Variants in CHCHD3 observed in about 807,000 individuals in gnomAD.
CHCHD3 encodes coiled-coil-helix-coiled-coil-helix domain containing 3.
Under a neutral mutation model 38.2 loss-of-function variants are expected in CHCHD3, and 20 were observed. The observed-to-expected ratio is 0.52, with a 90% CI of 0.37 to 0.76. CHCHD3 has a LOEUF of 0.76. Ranked by LOEUF, CHCHD3 falls within the 30% of genes least tolerant of loss-of-function variation. The pLI is 0.00. For synonymous variants in CHCHD3, 82 were observed against 100.0 expected (o/e 0.82, Z 1.07); for missense variants, 245 against 279.2 (o/e 0.88, Z 0.87).
At chr7:132,808,518 A>G (rs1175169528) in intron 6 of CHCHD3, among the ~76,000 whole-genome samples, 1 of 152,166 alleles carries the variant, frequency 6.6e-6, no homozygotes, top group African/African-American at 2.4e-5. Flanking sequence ...GTTCTTCTAT[A>G]AAATATACAA....
At chr7:132,811,670 G>A (rs1807073177) in intron 6 of CHCHD3, among the ~76,000 whole-genome samples, 1 of 152,134 alleles carries the variant, frequency 6.6e-6, no homozygotes, top group African/African-American at 2.4e-5. Context: ...CATCTTATAG[G>A]ACCCGATCAG....
chr7:132,858,470 A>C (rs1194254521), intron 5 of CHCHD3, among the ~76,000 whole-genome samples: 1 of 152,228 alleles, frequency 6.6e-6, no homozygotes, highest in Non-Finnish European at 1.5e-5. Context: ...AAAGTTCTGC[A>C]CAGCCACTAA....
intron 4 of CHCHD3, among the ~76,000 whole-genome samples, chr7:132,893,914 C>T (rs1202402846): frequency 6.6e-6 from 1 of 152,166 alleles, no homozygotes; most frequent in African/African-American, 2.4e-5. Context: ...TATAAACTAC[C>T]CAGTCTCGGG....
At position 132,845,773 on chromosome 7, in the gene CHCHD3, TAAAGA is replaced by T. The variant is rs1278271841; in HGVS notation, c.454-7309_454-7305del. Among the ~76,000 whole-genome samples the T allele has an allele frequency of 3.3e-5, 5 of 152,184 alleles. No individual in the cohort carries two copies. The East Asian group carries it at 9.6e-4, about 29-fold the overall frequency. ...AAATGGTCCATGAGAAACGCCAGAT[TAAAGA>T]AAAGTCCAACCACATGTCAATCCTG... On this transcript the variant is annotated intron_variant, in intron 5 of 7. Coordinates refer to ENST00000262570, the MANE Select transcript of CHCHD3 (RefSeq NM_017812.4).
At position 132,965,639 on chromosome 7, in the gene CHCHD3, G is replaced by T. The variant is rs557200532; in HGVS notation, c.369+9530C>A. Among the ~76,000 whole-genome samples, 3 of 152,236 alleles carry T rather than the reference G, an allele frequency of 2.0e-5. No individual in the cohort carries two copies. The East Asian group carries it at 5.8e-4, about 29-fold the overall frequency. On this transcript the variant is annotated intron_variant, in intron 4 of 7. Coordinates refer to ENST00000262570, the MANE Select transcript of CHCHD3 (RefSeq NM_017812.4). ...AGTCAAATATGTAACCTATGGATAGGTAAGATAGGATTTAAAATATGTGCA... is the reference window on the plus strand; with the variant it reads ...AGTCAAATATGTAACCTATGGATAGTTAAGATAGGATTTAAAATATGTGCA...
chr7:132,980,817 G>T (rs991062150), intron 3 of CHCHD3, among the ~76,000 whole-genome samples: 5 of 152,106 alleles, frequency 3.3e-5, no homozygotes, highest in Non-Finnish European at 5.9e-5. Context: ...ATAAAATCTA[G>T]TTCTCTATAT....
At chr7:133,016,099 ATATTT>A (rs1813023362) in intron 3 of CHCHD3, among the ~76,000 whole-genome samples, 1 of 152,186 alleles carries the variant, frequency 6.6e-6, no homozygotes, top group Admixed American at 6.5e-5. Flanking sequence ...ACTGGGGATT[ATATTT>A]CAACATGAGA....
At chr7:132,792,517 C>T (rs533542507) in intron 7 of CHCHD3, among the ~76,000 whole-genome samples, 11 of 152,244 alleles carry the variant, frequency 7.2e-5, no homozygotes, top group African/African-American at 2.2e-4. Context: ...CTTGAGTGAA[C>T]GTTTAAGGTG....
chr7:133,042,477 T>C (rs1323288156), intron 2 of CHCHD3, among the ~76,000 whole-genome samples: 3 of 152,290 alleles, frequency 2.0e-5, no homozygotes, highest in Non-Finnish European at 4.4e-5. Context: ...CAGAAAGATG[T>C]AGGGAGCTTG....
intron 2 of CHCHD3, among the ~76,000 whole-genome samples, chr7:133,055,545 TTA>T (rs1814301684): frequency 6.8e-6 from 1 of 146,898 alleles, no homozygotes; most frequent in Non-Finnish European, 1.5e-5. Flanking sequence ...TTATAATTGT[TTA>T]TAATTATTAT....
chr7:132,802,440 C>T (rs917488835), intron 6 of CHCHD3, among the ~76,000 whole-genome samples: 3 of 152,134 alleles, frequency 2.0e-5, no homozygotes, highest in East Asian at 3.9e-4. Context: ...TATGGGCTCA[C>T]CCAGCACAAC....
intron 5 of CHCHD3, among the ~76,000 whole-genome samples, chr7:132,848,171 C>T (rs1808127940): frequency 6.6e-6 from 1 of 152,218 alleles, no homozygotes. Flanking sequence ...CTTCCTCCTA[C>T]AACACAAGCA....
At chr7:132,804,253 A>G (rs955988767) in intron 6 of CHCHD3, among the ~76,000 whole-genome samples, 5 of 152,178 alleles carry the variant, frequency 3.3e-5, no homozygotes, top group African/African-American at 1.2e-4. Flanking sequence ...GGACCTTCTT[A>G]TATCACTTTC....
At chr7:132,936,584 TAA>T (rs933421437) in intron 4 of CHCHD3, among the ~76,000 whole-genome samples, 54 of 152,308 alleles carry the variant, frequency 3.5e-4, no homozygotes, top group African/African-American at 1.3e-3. Context: ...TGCAGGACCT[TAA>T]GCTTGCCCTA....
At chr7:132,919,086 T>C (rs1019652212) in intron 4 of CHCHD3, among the ~76,000 whole-genome samples, 1 of 148,488 alleles carries the variant, frequency 6.7e-6, no homozygotes, top group African/African-American at 2.5e-5. Flanking sequence ...TAATCCTATA[T>C]AGTTGGGTTT....
At chr7:132,864,728 C>G (rs575240848) in intron 5 of CHCHD3, among the ~76,000 whole-genome samples, 1 of 152,140 alleles carries the variant, frequency 6.6e-6, no homozygotes, top group East Asian at 1.9e-4. Flanking sequence ...TGTTGAGGAA[C>G]CAGAATACCA....
chr7:132,966,806 G>C (rs1811475531), intron 4 of CHCHD3, among the ~76,000 whole-genome samples: 1 of 152,212 alleles, frequency 6.6e-6, no homozygotes, highest in Non-Finnish European at 1.5e-5. Flanking sequence ...AGGACTGACA[G>C]ACTTGATTAT....
intron 2 of CHCHD3, among the ~76,000 whole-genome samples, chr7:133,030,662 TAA>T: frequency 6.6e-6 from 1 of 152,366 alleles, no homozygotes; most frequent in East Asian, 1.9e-4. Flanking sequence ...AGAAATGTGT[TAA>T]GACAAAAGAA....
chr7:133,028,955 AC>A (rs1813426607), intron 2 of CHCHD3, among the ~76,000 whole-genome samples: 1 of 151,860 alleles, frequency 6.6e-6, no homozygotes, highest in East Asian at 1.9e-4. Flanking sequence ...GCCCCTCACC[AC>A]GTGATGCCCC....
Sources: allele counts gnomAD v4.1 joint callset (sites outside exome capture counted in the v4.1 genomes callset), GRCh38; gene constraint gnomAD v4.1.1; transcripts MANE v1.5; gene names NCBI Gene and HGNC (gene_info 2026-07-23, HGNC 2026-07-21).